Variants in MYH7 observed in about 807,000 individuals in gnomAD.
MYH7 encodes the protein myosin-7.
Under a neutral mutation model 225.4 loss-of-function variants are expected in MYH7, and 129 were observed. The observed-to-expected ratio is 0.57, with a 90% CI of 0.50 to 0.66. The LOEUF is 0.66. MYH7 is among the 30% of genes least tolerant of loss of function. The pLI is 0.00. For missense variants in MYH7, 1,649 were observed against 2,517.0 expected (o/e 0.66, Z 7.38); for synonymous variants, 971 against 1,007.6 (o/e 0.96, Z 0.69).
At chr14:23,429,509 C>G (rs974745686) in intron 12 of MYH7, among the ~76,000 whole-genome samples, 162 bp from the exon 13 acceptor site, 1 of 152,012 alleles carries the variant, frequency 6.6e-6, no homozygotes, top group African/African-American at 2.4e-5. Context: ...AACCCCATCT[C>G]TACTAAAAAT....
At chr14:23,423,436 A>ATCACACACAC in intron 24 of MYH7, 111 bp downstream of exon 24, 1 of 822,832 alleles carries the variant, frequency 1.2e-6, no homozygotes, top group Non-Finnish European at 2.0e-6. Context: ...CATAAACACA[A>ATCACACACAC]ACACACACAC....
In MYH7 at chr14:23,415,851, G is replaced by A; in HGVS notation, c.4954-19C>T. 6.2e-7 allele frequency: 1 copy of A among 1,614,134 alleles called. No homozygotes were observed. The highest frequency in any genetic ancestry group is 8.5e-7 in the Non-Finnish European group (1 of 1,180,024). The stretch of plus-strand genomic sequence containing the variant: ...GGGTGTCCTGAGGATCAGGAGAGTG[G>A]GCATGAGCAGGGAGCCAGCCTCGGT... On this transcript the variant is annotated intron_variant, in intron 34 of 39. Transcript: ENST00000355349. The surrounding 1 kb of genome is among the most constrained non-coding windows in gnomAD (Gnocchi z 6.3).
At chr14:23,426,225 T>A in intron 18 of MYH7, 144 bp from the exon 19 acceptor site, 1 of 976,678 alleles carries the variant, frequency 1.0e-6, no homozygotes. Context: ...TCTAGCCACA[T>A]TTTTAACTAA....
rs757052861 is a variant in MYH7, at chr14:23,430,885, G to T, written c.895+16C>A. The T allele has an allele frequency of 6.3e-7, 1 of 1,586,510 alleles. No individual in the cohort carries two copies. Among genetic ancestry groups the T allele is most frequent in the Non-Finnish European group, 8.7e-7 (1 of 1,154,938 alleles). ...GCCATGGAGATAGTTGGTCTCAGTC[G>T]GTGGCTCTGACTCACCCAGCAGCTC... On this transcript the variant is annotated intron_variant, in intron 10 of 39. Coordinates refer to ENST00000355349, the MANE Select transcript of MYH7 (RefSeq NM_000257.4).
Position 23,422,362 on chromosome 14 carries a change from G to A in MYH7, c.3100-37C>T, listed in dbSNP as rs777962569. The A allele has an allele frequency of 9.9e-6, 16 of 1,614,002 alleles. No individual in the cohort carries two copies. In the South Asian group the frequency reaches 1.6e-4, roughly 17 times the overall value. On this transcript the variant is annotated intron_variant, in intron 24 of 39. Transcript: ENST00000355349. Reference sequence around the variant, plus strand: ...AAGGAGCCAGGCCCAGTGAGGCAAAGCATCCTGACTTGGTGATTTTGTTGT... The same window carrying A: ...AAGGAGCCAGGCCCAGTGAGGCAAAACATCCTGACTTGGTGATTTTGTTGT...
Position 23,419,582 on chromosome 14 carries a change from A to G in MYH7, c.3754T>C (p.Leu1252=), listed in dbSNP as rs397516193. 1 of 1,613,442 alleles carries G rather than the reference A, an allele frequency of 6.2e-7. No homozygotes were observed. The highest frequency in any genetic ancestry group is 1.3e-5 in the African/African-American group (1 of 74,838). ...KANLEKMCRT[L]EDQMNEHRSK... ...CGGTGCTCATTCATCTGGTCTTCCAAGGTCCGGCACATCTTCTCCAGGTTA... is the reference window on the plus strand; with the variant it reads ...CGGTGCTCATTCATCTGGTCTTCCAGGGTCCGGCACATCTTCTCCAGGTTA... The change falls in exon 28 of 40, where the codon TTG becomes CTG. Residue 1252 remains leucine (L), a synonymous_variant. Coordinates refer to ENST00000355349, the MANE Select transcript of MYH7 (RefSeq NM_000257.4).
At chr14:23,417,415 C>A in intron 31 of MYH7, 88 bp downstream of exon 31, 1 of 1,611,814 alleles carries the variant, frequency 6.2e-7, no homozygotes. Flanking sequence ...TCCTCCCCCA[C>A]CTCCAAGGAG....
At chr14:23,414,852 G>T in intron 37 of MYH7, 143 bp downstream of exon 37, 1 of 1,411,124 alleles carries the variant, frequency 7.1e-7, no homozygotes, top group Non-Finnish European at 9.8e-7. Flanking sequence ...TTCAGAGTGG[G>T]GCAGGGCTAG....
intron 37 of MYH7, 38 bp from the exon 38 acceptor site, chr14:23,414,140 C>T: frequency 6.3e-7 from 1 of 1,583,434 alleles, no homozygotes; most frequent in South Asian, 1.1e-5. Context: ...GAAGATGGCA[C>T]AGTCATAGAA....
At chr14:23,431,713 T>C in intron 7 of MYH7, 36 bp from the exon 8 acceptor site, 1 of 1,614,132 alleles carries the variant, frequency 6.2e-7, no homozygotes, top group Non-Finnish European at 8.5e-7. Flanking sequence ...TGAGAGCTCT[T>C]CTCCCTCCCT....
At position 23,427,998 on chromosome 14, in the gene MYH7, T is replaced by A. The variant is rs1892763706; in HGVS notation, c.1579-104A>T. Reference sequence around the variant, plus strand: ...GCTCGTGGAGGTGCCATGTTGGGTGTTAAGGTAGTAGGCTCAGCTCTGAGT... The same window carrying A: ...GCTCGTGGAGGTGCCATGTTGGGTGATAAGGTAGTAGGCTCAGCTCTGAGT... On this transcript the variant is annotated intron_variant, in intron 15 of 39. Transcript: ENST00000355349. The A allele has an allele frequency of 4.2e-6, 6 of 1,441,962 alleles. No individual in the cohort carries two copies. In the South Asian group the frequency reaches 4.9e-5, roughly 12 times the overall value. 89.3% of individuals were successfully genotyped at this position (1,441,962 alleles called of 1,614,324 possible). A position where few individuals can be genotyped will look rare whatever the true frequency, so the allele number is the denominator to read the frequency against.
chr14:23,433,506 G>T lies in MYH7; in HGVS notation c.201+26C>A. 3.1e-6 allele frequency: 5 copies of T among 1,611,264 alleles called. No homozygotes were observed. The highest frequency in any genetic ancestry group is 4.2e-6 in the Non-Finnish European group (5 of 1,178,618). ...CCCAGGTGTACAGGTGGCCAGGGTG[G>T]ACTCTCACATCAGCCTGACACCCAC... On this transcript the variant is annotated intron_variant, in intron 3 of 39. Coordinates refer to ENST00000355349, the MANE Select transcript of MYH7 (RefSeq NM_000257.4). This position sits in a 1 kb window ranked among gnomAD's most constrained non-coding sequence, Gnocchi z 4.1.
chr14:23,416,931 C>G lies in MYH7; in HGVS notation c.4581G>C (p.Glu1527Asp). 6.2e-7 allele frequency: 1 copy of G among 1,614,258 alleles called. No individual in the cohort carries two copies. The highest frequency in any genetic ancestry group is 8.5e-7 in the Non-Finnish European group (1 of 1,180,050). Reference protein sequence around the residue: ...GSSGKTIHELEKVRKQLEAEK... With the variant: ...GSSGKTIHELDKVRKQLEAEK... ...CGGCCTCCAGCTGCTTTCGGACCTT[C>G]TCCAGCTCATGGATAGTCTTTCCGC... The change falls in exon 33 of 40, where the codon GAG (glutamate) becomes GAC (aspartate). Residue 1527 changes from glutamate to aspartate, a missense_variant. Glu to Asp is a conservative substitution (Grantham distance 45). Coordinates refer to ENST00000355349, the MANE Select transcript of MYH7 (RefSeq NM_000257.4).
At chr14:23,427,329 A>G (rs745953133) in intron 16 of MYH7, 22 bp from the exon 17 acceptor site, 1 of 1,613,776 alleles carries the variant, frequency 6.2e-7, no homozygotes, top group South Asian at 1.1e-5. Context: ...AGAGTCAACA[A>G]AAGAAGCATC....
At chr14:23,413,633 G>T in intron 39 of MYH7, 126 bp downstream of exon 39, 1 of 1,269,392 alleles carries the variant, frequency 7.9e-7, no homozygotes, top group Non-Finnish European at 1.1e-6. Flanking sequence ...GCATTACCTT[G>T]GCCTCTGGGG....
intron 28 of MYH7, 65 bp from the exon 29 acceptor site, chr14:23,419,360 C>T: frequency 6.2e-7 from 1 of 1,612,366 alleles, no homozygotes; most frequent in East Asian, 2.2e-5. Context: ...AGCCCTCAGG[C>T]CCCATTTTCT....
intron 37 of MYH7, 34 bp from the exon 38 acceptor site, chr14:23,414,136 G>T: frequency 6.3e-7 from 1 of 1,588,616 alleles, no homozygotes; most frequent in Non-Finnish European, 8.6e-7. Context: ...GGGTGAAGAT[G>T]GCACAGTCAT....
Position 23,415,747 on chromosome 14 carries a change from A to G in MYH7, c.5039T>C (p.Leu1680Pro), listed in dbSNP as rs772745454. Residue 1680 changes from leucine to proline, a missense_variant, in exon 35 of 40, where the codon CTG (leucine) becomes CCG (proline). By Grantham distance (98) the Leu-to-Pro change is moderately conservative (BLOSUM62 -3). Coordinates refer to ENST00000355349, the MANE Select transcript of MYH7 (RefSeq NM_000257.4). The surrounding 1 kb of genome is among the most constrained non-coding windows in gnomAD (Gnocchi z 6.3). ...NIAIVERRNN[L>P]LQAELEELRA... is the part of the protein sequence containing the mutation. ...CAACTCCTCCAGCTCAGCCTGCAGCAGGTTGTTGCGCCGCTCCACGATGGC... is the reference window on the plus strand; with the variant it reads ...CAACTCCTCCAGCTCAGCCTGCAGCGGGTTGTTGCGCCGCTCCACGATGGC... 1 of 1,614,162 alleles carries G rather than the reference A, an allele frequency of 6.2e-7. No homozygotes were observed. Among genetic ancestry groups the G allele is most frequent in the Non-Finnish European group, 8.5e-7 (1 of 1,180,036 alleles).
In MYH7 at chr14:23,427,717, C is replaced by T. The variant is rs754465530; in HGVS notation, c.1756G>A (p.Val586Met). 4.3e-6 allele frequency: 7 copies of T among 1,614,176 alleles called. No homozygotes were observed. The highest frequency in any genetic ancestry group is 5.1e-6 in the Non-Finnish European group (6 of 1,180,038). ...HFSLIHYAGI[V>M]DYNIIGWLQK... ...AGCCAGCCAATGATGTTGTAGTCCA[C>T]GATGCCGGCATAGTGGATCAGGGAG... Residue 586 changes from valine to methionine, a missense_variant, in exon 16 of 40, where the codon GTG (valine) becomes ATG (methionine). Val to Met is a conservative substitution (Grantham distance 21). Around this residue, in one of 12 missense-constraint regions of MYH7, gnomAD observed 112 missense variants for 161.9 expected, o/e 0.69. Transcript: ENST00000355349.
Sources: allele counts gnomAD v4.1 joint callset (sites outside exome capture counted in the v4.1 genomes callset), GRCh38; gene constraint gnomAD v4.1.1; regional missense constraint gnomAD v4.1.1; non-coding constraint Gnocchi (gnomAD v3.1); transcripts MANE v1.5; gene names NCBI Gene and HGNC (gene_info 2026-07-23, HGNC 2026-07-21).